Variants in NCOA3 observed in about 807,000 individuals in gnomAD.
The protein encoded by NCOA3 is nuclear receptor coactivator 3.
A neutral mutation model predicts 158.8 loss-of-function variants in NCOA3; 51 were observed. The ratio of observed to expected loss-of-function variants is 0.32; its 90% confidence interval spans 0.26 to 0.41. NCOA3 has a LOEUF of 0.41. Among genes scored for constraint, NCOA3 ranks in the 10% least tolerant of loss-of-function variants. NCOA3 has a pLI of 1.00. For synonymous variants in NCOA3, 537 were observed against 592.4 expected (o/e 0.91, Z 1.36); for missense variants, 1,510 against 1,746.6 (o/e 0.86, Z 2.41).
chr20:47,597,487 T>C (rs1261057123), intron 2 of NCOA3, among the ~76,000 whole-genome samples: 1 of 151,542 alleles, frequency 6.6e-6, no homozygotes, highest in Admixed American at 6.6e-5. Context: ...CTGTGCTTTT[T>C]TTTTTTTTTT....
At chr20:47,556,905 G>T (rs572608905) in intron 1 of NCOA3, among the ~76,000 whole-genome samples, 1 of 152,104 alleles carries the variant, frequency 6.6e-6, no homozygotes, top group African/African-American at 2.4e-5. Context: ...ACCCATTTCC[G>T]TGCATATATA....
In NCOA3 at chr20:47,647,096, G is replaced by A. The variant is rs1310543525; in HGVS notation, c.3276G>A (p.Gln1092=). 1.9e-6 allele frequency: 3 copies of A among 1,614,038 alleles called. No homozygotes were observed. The highest frequency in any genetic ancestry group is 2.5e-6 in the Non-Finnish European group (3 of 1,179,956). Residue 1092 remains glutamine (Q), a synonymous_variant, in exon 18 of 23, where the codon CAG becomes CAA. Transcript: ENST00000371998. ...VNQGQALEPK[Q]DAFQGQEAAV... is the part of the protein sequence containing the mutation. ...AGGGACAGGCATTAGAGCCCAAACA[G>A]GATGCTTTCCAAGGCCAAGAAGCAG...
Position 47,517,431 on chromosome 20 carries a change from T to TTTTTTTC in NCOA3, c.-99+15425_-99+15431dup, listed in dbSNP as rs1313814182. 9.5e-3 allele frequency among the ~76,000 whole-genome samples: 1,428 copies of TTTTTTTC among 150,992 alleles called. 32 individuals are homozygous for TTTTTTTC. The highest frequency in any genetic ancestry group is 0.034 in the African/African-American group (1,365 of 40,644). On this transcript the variant is annotated intron_variant, in intron 1 of 22. Transcript: ENST00000371998. ...ATGTTGATGCAATTACATTTTCTTCTTTTTTTCTTTTTTCTTTTTCTTTTT... is the reference window on the plus strand; with the variant it reads ...ATGTTGATGCAATTACATTTTCTTCTTTTTTTCTTTTTTCTTTTTTCTTTTTCTTTTT...
chr20:47,540,302 G>A (rs916171859), intron 1 of NCOA3, among the ~76,000 whole-genome samples: 10 of 151,968 alleles, frequency 6.6e-5, no homozygotes, highest in African/African-American at 2.4e-4. Flanking sequence ...GCTGGGGCGC[G>A]GTGGCTTACA....
At chr20:47,503,313 A>G (rs1266765144) in intron 1 of NCOA3, among the ~76,000 whole-genome samples, 1 of 152,240 alleles carries the variant, frequency 6.6e-6, no homozygotes, top group Non-Finnish European at 1.5e-5. Flanking sequence ...GAAAATGTTA[A>G]TGGAAACCTG....
chr20:47,593,717 A>G (rs1485565141), intron 2 of NCOA3, among the ~76,000 whole-genome samples: 1 of 152,150 alleles, frequency 6.6e-6, no homozygotes, highest in Non-Finnish European at 1.5e-5. Context: ...AGAACATTAT[A>G]AAGTTTGGTA....
At chr20:47,547,793 G>T (rs921884863) in intron 1 of NCOA3, among the ~76,000 whole-genome samples, 1 of 152,028 alleles carries the variant, frequency 6.6e-6, no homozygotes, top group Non-Finnish European at 1.5e-5. Flanking sequence ...TCAGCTCACT[G>T]CAACCTCCAC....
At chr20:47,652,326 A>T in intron 20 of NCOA3, 80 bp from the exon 21 acceptor site, 1 of 1,374,788 alleles carries the variant, frequency 7.3e-7, no homozygotes, top group South Asian at 1.4e-5. Context: ...TTAAAAAAAA[A>T]ACAAAATTAC....
chr20:47,649,614 G>GT (rs11480989), intron 19 of NCOA3, among the ~76,000 whole-genome samples: 16,512 of 151,778 alleles, frequency 0.11, 1,145 homozygotes, highest in Middle Eastern at 0.19. Context: ...GTATTGAGGG[G>GT]TTTTTTTAAT....
At chr20:47,540,222 A>G (rs2084700746) in intron 1 of NCOA3, among the ~76,000 whole-genome samples, 1 of 152,142 alleles carries the variant, frequency 6.6e-6, no homozygotes, top group African/African-American at 2.4e-5. Flanking sequence ...GGAGATACTT[A>G]GTTGGCATGG....
chr20:47,593,334 ATTTTTTTTTTTTT>A (rs71183267), intron 2 of NCOA3, among the ~76,000 whole-genome samples: 8 of 63,724 alleles, frequency 1.3e-4, no homozygotes, highest in East Asian at 5.8e-4. Flanking sequence ...GAGTTGATGG[ATTTTTTTTTTTTT>A]TTTTTTTTTT....
intron 1 of NCOA3, among the ~76,000 whole-genome samples, chr20:47,575,691 A>G (rs561459964): frequency 1.3e-5 from 2 of 152,304 alleles, no homozygotes; most frequent in Admixed American, 6.5e-5. Flanking sequence ...TTCTTAGGCA[A>G]TGGTGGTGCC....
At chr20:47,575,373 A>G (rs955861294) in intron 1 of NCOA3, among the ~76,000 whole-genome samples, 5 of 152,232 alleles carry the variant, frequency 3.3e-5, no homozygotes, top group South Asian at 2.1e-4. Context: ...AACTAGGTCT[A>G]TTTTAAAGTA....
chr20:47,506,309 T>G (rs1452146432), intron 1 of NCOA3, among the ~76,000 whole-genome samples: 2 of 152,194 alleles, frequency 1.3e-5, no homozygotes, highest in Non-Finnish European at 2.9e-5. Flanking sequence ...AAGATGCAAT[T>G]TATCCAGAGC....
chr20:47,629,031 C>T (rs1170261610), intron 8 of NCOA3, among the ~76,000 whole-genome samples: 1 of 151,998 alleles, frequency 6.6e-6, no homozygotes, highest in Non-Finnish European at 1.5e-5. Context: ...GTATTCTTTG[C>T]TTTGTGTAAC....
At chr20:47,585,370 C>T (rs2085520727) in intron 2 of NCOA3, among the ~76,000 whole-genome samples, 1 of 151,974 alleles carries the variant, frequency 6.6e-6, no homozygotes, top group Non-Finnish European at 1.5e-5. Context: ...AATATTACAT[C>T]AGAATAGGAA....
At chr20:47,573,228 G>A (rs2085321679) in intron 1 of NCOA3, among the ~76,000 whole-genome samples, 1 of 152,040 alleles carries the variant, frequency 6.6e-6, no homozygotes, top group Non-Finnish European at 1.5e-5. Context: ...GTGAAACCCT[G>A]TCTCTACTAC....
rs192167033 is a variant in NCOA3 at position 47,588,294 on chromosome 20, C to T, written c.-20+5033C>T. On this transcript the variant is annotated intron_variant, in intron 2 of 22. Coordinates refer to ENST00000371998, the MANE Select transcript of NCOA3 (RefSeq NM_181659.3). ...CAACTACAGGTGCGTGCCACCATGCCCAGCTAATTTTTGTATCTTTAATAG... is the reference window on the plus strand; with the variant it reads ...CAACTACAGGTGCGTGCCACCATGCTCAGCTAATTTTTGTATCTTTAATAG... 4.0e-5 allele frequency among the ~76,000 whole-genome samples: 6 copies of T among 151,802 alleles called. No homozygotes were observed. In the East Asian group the frequency reaches 7.7e-4, roughly 20 times the overall value.
chr20:47,636,222 T>G lies in NCOA3; in HGVS notation c.1836T>G (p.Pro612=), dbSNP rs762046449. Residue 612 remains proline (P), a synonymous_variant, in exon 12 of 23, where the codon CCT becomes CCG. Transcript: ENST00000371998. ...SVEGAENQRG[P]LESKGHKKLL... Reference sequence around the variant, plus strand: ...AGGGGGCAGAGAATCAAAGGGGTCCTTTGGAAAGCAAAGGTCATAAAAAAT... The same window carrying G: ...AGGGGGCAGAGAATCAAAGGGGTCCGTTGGAAAGCAAAGGTCATAAAAAAT... 1.9e-6 allele frequency: 3 copies of G among 1,614,056 alleles called. No individual in the cohort carries two copies.
Sources: allele counts gnomAD v4.1 joint callset (sites outside exome capture counted in the v4.1 genomes callset), GRCh38; gene constraint gnomAD v4.1.1; transcripts MANE v1.5; gene names NCBI Gene and HGNC (gene_info 2026-07-23, HGNC 2026-07-21).